Variants in CHD6 observed in about 807,000 individuals in gnomAD.
CHD6 encodes the protein chromodomain helicase DNA binding protein 6.
CHD6 carries 50 observed loss-of-function variants against 276.9 expected under a neutral mutation model. The observed-to-expected ratio is 0.18, with a 90% CI of 0.14 to 0.23. The LOEUF is 0.23. CHD6 is among the 10% of genes least tolerant of loss of function. The probability of loss-of-function intolerance (pLI) is 1.00; values close to 1 mark genes in which losing one functional copy is unlikely to be tolerated. For synonymous variants in CHD6, 1,173 were observed against 1,229.3 expected (o/e 0.95, Z 0.96); for missense variants, 2,564 against 3,365.8 (o/e 0.76, Z 5.89).
In CHD6 at chr20:41,499,487, C is replaced by G. The variant is rs1035354637; in HGVS notation, c.853-130G>C. 6.0e-5 allele frequency: 41 copies of G among 686,918 alleles called. No homozygotes were observed. In the South Asian group the frequency reaches 6.4e-4, roughly 11 times the overall value. 42.6% of individuals were successfully genotyped at this position (686,918 alleles called of 1,614,324 possible). On this transcript the variant is annotated intron_variant, in intron 5 of 36. Coordinates refer to ENST00000373233, the MANE Select transcript of CHD6 (RefSeq NM_032221.5). ...ACCTTTGAGTACCAAGGCCTCCCATCAGGCCACAGAGTGGTCAAAAGGTCA... is the reference window on the plus strand; with the variant it reads ...ACCTTTGAGTACCAAGGCCTCCCATGAGGCCACAGAGTGGTCAAAAGGTCA...
intron 24 of CHD6, among the ~76,000 whole-genome samples, chr20:41,446,422 T>C (rs1244957686): frequency 1.4e-5 from 2 of 138,438 alleles, no homozygotes; most frequent in Non-Finnish European, 3.0e-5. Flanking sequence ...ATGCAGGTGT[T>C]AGCCCCTCTC....
At position 41,473,955 on chromosome 20, in the gene CHD6, G is replaced by A. The variant is rs1248679940; in HGVS notation, c.2469-438C>T. On this transcript the variant is annotated intron_variant, in intron 16 of 36. Transcript: ENST00000373233. The surrounding 1 kb of genome is among the most constrained non-coding windows in gnomAD (Gnocchi z 4.1). ...CAAAAAGGACTCAGAGTTTTCATCA[G>A]TTTCCAGCTACTTTAGGGTAAACCA... Among the ~76,000 whole-genome samples, 1 of 152,166 alleles carries A rather than the reference G, an allele frequency of 6.6e-6. No individual in the cohort carries two copies. Among genetic ancestry groups the A allele is most frequent in the Non-Finnish European group, 1.5e-5 (1 of 68,030 alleles).
intron 2 of CHD6, among the ~76,000 whole-genome samples, chr20:41,550,398 T>A (rs1568695909): frequency 6.6e-6 from 1 of 152,224 alleles, no homozygotes; most frequent in Non-Finnish European, 1.5e-5. Context: ...CTTCTTGTTA[T>A]CTGGCAGCAG....
At chr20:41,433,620 C>T (rs995658643) in intron 27 of CHD6, among the ~76,000 whole-genome samples, 5 of 151,922 alleles carry the variant, frequency 3.3e-5, no homozygotes, top group Non-Finnish European at 7.4e-5. Context: ...AGAGATTTCT[C>T]TAAAAAGAAA....
rs142898444 is a variant in CHD6, at chr20:41,457,869, G to A, written c.2665-441C>T. On this transcript the variant is annotated intron_variant, in intron 17 of 36. Transcript: ENST00000373233. ...ATAGGGAAGTATAATGACCTCTTAC[G>A]GACAATCTCGTTTATTTTTACCACA... Among the ~76,000 whole-genome samples the A allele has an allele frequency of 3.5e-3, 533 of 152,128 alleles. 5 individuals carry two copies. The highest frequency in any genetic ancestry group is 5.9e-3 in the Non-Finnish European group (403 of 67,994).
At position 41,405,432 on chromosome 20, in the gene CHD6, T is replaced by A; in HGVS notation, c.7309A>T (p.Thr2437Ser). The change falls in exon 37 of 37, where the codon ACG becomes TCG. Residue 2437 changes from threonine (T) to serine (S), a missense_variant. By Grantham distance (58) the Thr-to-Ser change is moderately conservative. Around this residue, in one of 7 missense-constraint regions of CHD6, gnomAD observed 1,024 missense variants for 1,047.9 expected, o/e 0.98. Coordinates refer to ENST00000373233, the MANE Select transcript of CHD6 (RefSeq NM_032221.5). ...HTLAEPILRD[T>S]GPRRRGRRPR... ...CGCCTCCCCCTCCTGCGGGGGCCCG[T>A]ATCTCGAAGAATAGGCTCAGCCAGA... 2 of 1,606,570 alleles carry A rather than the reference T, an allele frequency of 1.2e-6. No homozygotes were observed. The highest frequency in any genetic ancestry group is 1.7e-6 in the Non-Finnish European group (2 of 1,175,518).
chr20:41,463,785 G>C (rs2042855270), intron 17 of CHD6, among the ~76,000 whole-genome samples: 1 of 152,190 alleles, frequency 6.6e-6, no homozygotes, highest in Admixed American at 6.5e-5. Context: ...AAAATATGTT[G>C]AAACAAATGA....
At chr20:41,559,085 G>A (rs963057608) in intron 1 of CHD6, among the ~76,000 whole-genome samples, 1 of 151,808 alleles carries the variant, frequency 6.6e-6, no homozygotes. Flanking sequence ...CTTAAATGCT[G>A]TTTTGCTTAA....
intron 31 of CHD6, among the ~76,000 whole-genome samples, chr20:41,418,430 G>A (rs1362968735): frequency 6.6e-6 from 1 of 152,132 alleles, no homozygotes; most frequent in Non-Finnish European, 1.5e-5. Context: ...GCTGAGGAAC[G>A]AAGTGAGGGC....
At chr20:41,501,532 T>C (rs576207297) in intron 5 of CHD6, among the ~76,000 whole-genome samples, 102 of 152,310 alleles carry the variant, frequency 6.7e-4, no homozygotes, top group Non-Finnish European at 1.0e-3. Context: ...GTGAAGTATT[T>C]TGTAATATAA....
intron 3 of CHD6, among the ~76,000 whole-genome samples, chr20:41,522,367 C>CA (rs1370850065): frequency 7.3e-6 from 1 of 137,594 alleles, no homozygotes; most frequent in East Asian, 2.2e-4. Flanking sequence ...AATAACAAAC[C>CA]AAAAAAACCC....
intron 25 of CHD6, among the ~76,000 whole-genome samples, chr20:41,444,455 G>A (rs933840273): frequency 7.2e-5 from 11 of 152,150 alleles, no homozygotes; most frequent in Admixed American, 2.0e-4. Context: ...TAGTTCTACC[G>A]GACAGCACCG....
Position 41,421,538 on chromosome 20 carries a change from C to A in CHD6, c.5097G>T (p.Leu1699=), listed in dbSNP as rs1298329211. The A allele has an allele frequency of 3.1e-6, 5 of 1,612,082 alleles. No homozygotes were observed. In the Admixed American group the frequency reaches 8.4e-5, roughly 27 times the overall value. The change falls in exon 31 of 37, where the codon CTG becomes CTT. Residue 1699 remains leucine (L), a synonymous_variant. Coordinates refer to ENST00000373233, the MANE Select transcript of CHD6 (RefSeq NM_032221.5). ...VISINHDESL[L]PESLESMMYG... ...ACATCATGCTCTCTAAGGACTCAGG[C>A]AGCAGACTTTCATCATGGTTGATGG...
Position 41,452,165 on chromosome 20 carries a change from C to T in CHD6, c.3324-140G>A, listed in dbSNP as rs1569093646. 1.3e-5 allele frequency: 9 copies of T among 699,226 alleles called. No homozygotes were observed. Among genetic ancestry groups the T allele is most frequent in the Middle Eastern group, 3.9e-4 (1 of 2,558 alleles). 43.3% of individuals were successfully genotyped at this position (699,226 alleles called of 1,614,324 possible). ...GTTAATCATCCCAAGGGCTTTGTCC[C>T]GAAAGGCCTTTGAGGACCACCTGAC... On this transcript the variant is annotated intron_variant, in intron 21 of 36. Transcript: ENST00000373233. The surrounding 1 kb of genome is among the most constrained non-coding windows in gnomAD (Gnocchi z 4.2).
chr20:41,556,717 C>G (rs2045242883), intron 1 of CHD6, among the ~76,000 whole-genome samples: 1 of 152,166 alleles, frequency 6.6e-6, no homozygotes, highest in Admixed American at 6.5e-5. Flanking sequence ...ACAAAACACA[C>G]CAGCATGCTG....
chr20:41,547,664 C>A, intron 2 of CHD6: 1 of 721,006 alleles, frequency 1.4e-6, no homozygotes, highest in Non-Finnish European at 2.3e-6. Context: ...CTGCCCTAAT[C>A]ATCAAAGCCC....
In CHD6 at chr20:41,610,760, A is replaced by AAAATAAATAAAT. The variant is rs5841413; in HGVS notation, c.-24+7568_-24+7579dup. Among the ~76,000 whole-genome samples, 227 of 147,324 alleles carry AAAATAAATAAAT rather than the reference A, an allele frequency of 1.5e-3. 2 individuals are homozygous for AAAATAAATAAAT. The highest frequency in any genetic ancestry group is 5.4e-3 in the African/African-American group (215 of 40,034). On this transcript the variant is annotated intron_variant, in intron 1 of 36. Transcript: ENST00000373233. ...GTGACAGAGTGAGACTCCGTCTCAA[A>AAAATAAATAAAT]AAATAAATAAATAAATAAATAAATA...
intron 1 of CHD6, among the ~76,000 whole-genome samples, chr20:41,603,777 G>C: frequency 6.6e-6 from 1 of 152,064 alleles, no homozygotes; most frequent in East Asian, 1.9e-4. Context: ...TGAGGCAGGA[G>C]AATCACTTGA....
At chr20:41,608,524 C>A (rs2146301094) in intron 1 of CHD6, among the ~76,000 whole-genome samples, 1 of 152,292 alleles carries the variant, frequency 6.6e-6, no homozygotes, top group Non-Finnish European at 1.5e-5. Context: ...GGGAAATTCT[C>A]CTACGTGGGT....
Sources: allele counts gnomAD v4.1 joint callset (sites outside exome capture counted in the v4.1 genomes callset), GRCh38; gene constraint gnomAD v4.1.1; regional missense constraint gnomAD v4.1.1; non-coding constraint Gnocchi (gnomAD v3.1); transcripts MANE v1.5; gene names NCBI Gene and HGNC (gene_info 2026-07-23, HGNC 2026-07-21).